The following SPAG16 variants were observed in gnomAD, a reference collection of about 807,000 sequenced individuals.
The protein encoded by SPAG16 is sperm associated antigen 16, also known as sperm-associated antigen 16 protein.
SPAG16 carries 86 observed loss-of-function variants against 80.4 expected under a neutral mutation model. The observed-to-expected ratio is 1.07, with a 90% CI of 0.90 to 1.28. SPAG16 has a LOEUF of 1.28. Ranked by LOEUF, SPAG16 falls within the 50% of genes most tolerant of loss-of-function variation. The probability of loss-of-function intolerance (pLI) is 0.00; values close to 1 mark genes in which losing one functional copy is unlikely to be tolerated. For synonymous variants in SPAG16, 294 were observed against 265.9 expected (o/e 1.11, Z -1.03); for missense variants, 870 against 765.3 (o/e 1.14, Z -1.61).
At chr2:214,076,535 G>GTC (rs1559763320) in intron 13 of SPAG16, among the ~76,000 whole-genome samples, 2 of 74,162 alleles carry the variant, frequency 2.7e-5, no homozygotes, top group Non-Finnish European at 5.7e-5. Flanking sequence ...GTGTGTGTGT[G>GTC]TGTGTGTCTG....
intron 9 of SPAG16, among the ~76,000 whole-genome samples, chr2:213,431,531 A>G (rs982451216): frequency 6.6e-6 from 1 of 152,162 alleles, no homozygotes; most frequent in African/African-American, 2.4e-5. Context: ...ATAATGATAA[A>G]GGGATTAATT....
intron 10 of SPAG16, among the ~76,000 whole-genome samples, chr2:213,508,474 A>C (rs974058886): frequency 2.6e-5 from 4 of 152,182 alleles, no homozygotes; most frequent in African/African-American, 9.6e-5. Context: ...GGGGAGGCTG[A>C]GGCAGGAGAA....
At chr2:213,886,523 A>T (rs10932508) in intron 11 of SPAG16, among the ~76,000 whole-genome samples, 90,212 of 151,768 alleles carry the variant, frequency 0.59, 28,698 homozygotes, top group South Asian at 0.85. Context: ...AACCACAGCA[A>T]CAGTAGCAGC....
intron 15 of SPAG16, among the ~76,000 whole-genome samples, chr2:214,386,432 A>T (rs1026146944): frequency 6.6e-6 from 1 of 152,194 alleles, no homozygotes; most frequent in African/African-American, 2.4e-5. Flanking sequence ...GACAAAATTT[A>T]TGAACATTGT....
At chr2:214,338,006 G>C (rs893049073) in intron 15 of SPAG16, among the ~76,000 whole-genome samples, 2 of 151,918 alleles carry the variant, frequency 1.3e-5, no homozygotes, top group Non-Finnish European at 2.9e-5. Context: ...TATCTAAACT[G>C]GCGGAAATAA....
At chr2:213,661,972 A>G (rs2063442148) in intron 10 of SPAG16, among the ~76,000 whole-genome samples, 2 of 152,126 alleles carry the variant, frequency 1.3e-5, no homozygotes, top group South Asian at 4.1e-4. Flanking sequence ...CTTATGTATT[A>G]TTGTGAGTTA....
At chr2:213,728,722 G>A (rs1299874489) in intron 10 of SPAG16, among the ~76,000 whole-genome samples, 3 of 151,140 alleles carry the variant, frequency 2.0e-5, no homozygotes, top group Admixed American at 6.6e-5. Context: ...CTAAAAATAC[G>A]AAAAATTAGC....
intron 15 of SPAG16, among the ~76,000 whole-genome samples, chr2:214,299,321 G>GCT (rs1205770895): frequency 1.4e-5 from 2 of 141,132 alleles, no homozygotes; most frequent in African/African-American, 5.4e-5. Context: ...CGCAATCTTG[G>GCT]CTCACTTCAA....
intron 10 of SPAG16, among the ~76,000 whole-genome samples, chr2:213,501,355 G>C (rs866033596): frequency 6.6e-6 from 1 of 152,120 alleles, no homozygotes; most frequent in African/African-American, 2.4e-5. Flanking sequence ...TTAACTGCCT[G>C]AGAAATTGTG....
intron 13 of SPAG16, among the ~76,000 whole-genome samples, chr2:214,056,541 T>A (rs1175394667): frequency 2.8e-5 from 4 of 142,778 alleles, no homozygotes; most frequent in East Asian, 2.0e-4. Context: ...AAAAAAAAAA[T>A]TCTCACAATC....
chr2:213,957,513 A>T (rs1353076730), intron 12 of SPAG16, among the ~76,000 whole-genome samples: 1 of 151,974 alleles, frequency 6.6e-6, no homozygotes, highest in Admixed American at 6.6e-5. Flanking sequence ...TCGGTTGCAA[A>T]CAGGATATAG....
chr2:213,435,840 ATCT>A (rs2070605731), intron 9 of SPAG16, among the ~76,000 whole-genome samples: 2 of 152,222 alleles, frequency 1.3e-5, no homozygotes, highest in South Asian at 4.1e-4. Flanking sequence ...AACGTTAATC[ATCT>A]TAATATATAT....
intron 10 of SPAG16, among the ~76,000 whole-genome samples, chr2:213,821,377 A>G (rs2072922589): frequency 6.6e-6 from 1 of 152,100 alleles, no homozygotes; most frequent in Non-Finnish European, 1.5e-5. Flanking sequence ...TTATTTTTTC[A>G]TAATAAACAG....
chr2:214,000,974 C>G (rs1280296624), intron 12 of SPAG16, among the ~76,000 whole-genome samples: 1 of 152,104 alleles, frequency 6.6e-6, no homozygotes. Flanking sequence ...AGAGATCTTG[C>G]CTTTGTCATT....
intron 8 of SPAG16, among the ~76,000 whole-genome samples, chr2:213,369,189 G>T (rs977484037): frequency 1.1e-4 from 17 of 152,112 alleles, no homozygotes; most frequent in Non-Finnish European, 2.4e-4. Context: ...TTTTTTGCAA[G>T]CCTATCTGTA....
At chr2:213,408,468 A>G (rs1377683512) in intron 9 of SPAG16, among the ~76,000 whole-genome samples, 4 of 152,212 alleles carry the variant, frequency 2.6e-5, no homozygotes, top group Non-Finnish European at 4.4e-5. Context: ...AAAAAGCAAA[A>G]AGGTAGCTTA....
chr2:214,249,538 C>T (rs1690098361), intron 15 of SPAG16, among the ~76,000 whole-genome samples: 1 of 152,012 alleles, frequency 6.6e-6, no homozygotes, highest in Non-Finnish European at 1.5e-5. Context: ...TCAACAAATT[C>T]ATTTAACTAG....
intron 11 of SPAG16, among the ~76,000 whole-genome samples, chr2:213,889,918 C>T (rs2076723332): frequency 6.6e-6 from 1 of 151,688 alleles, no homozygotes; most frequent in African/African-American, 2.4e-5. Flanking sequence ...GAATATAATA[C>T]TGTAAAATGT....
intron 10 of SPAG16, among the ~76,000 whole-genome samples, chr2:213,534,515 T>G (rs533536577): frequency 6.6e-6 from 1 of 152,184 alleles, no homozygotes; most frequent in South Asian, 2.1e-4. Context: ...AGTTTAAAAT[T>G]TGTGATATAT....
Sources: gnomAD v4.1 joint callset for allele counts (sites outside exome capture counted in the v4.1 genomes callset) on GRCh38, gnomAD v4.1.1 for gene constraint, MANE v1.5 for transcripts, NCBI Gene and HGNC (gene_info 2026-07-23, HGNC 2026-07-21) for gene names.